The following USP25 variants were observed in gnomAD, a reference collection of about 807,000 sequenced individuals.
USP25 encodes ubiquitin carboxyl-terminal hydrolase 25.
A neutral mutation model predicts 158.5 loss-of-function variants in USP25; 85 were observed. The ratio of observed to expected loss-of-function variants is 0.54; its 90% CI spans 0.45 to 0.64. USP25 has a LOEUF of 0.64. Ranked by LOEUF, USP25 falls within the 30% of genes least tolerant of loss-of-function variation. The pLI is 0.00. For missense variants in USP25, 1,242 were observed against 1,327.3 expected (o/e 0.94, Z 1.00); for synonymous variants, 464 against 460.4 (o/e 1.01, Z -0.10).
intron 20 of USP25, among the ~76,000 whole-genome samples, chr21:15,861,475 C>CGCT (rs1192208803): frequency 4.6e-5 from 7 of 151,944 alleles, no homozygotes; most frequent in Admixed American, 4.6e-4. Context: ...CATAGACCGC[C>CGCT]AAAAAATATG....
At chr21:15,736,887 G>A (rs2031571427) in intron 1 of USP25, among the ~76,000 whole-genome samples, 1 of 146,910 alleles carries the variant, frequency 6.8e-6, no homozygotes, top group South Asian at 2.1e-4. Context: ...GTTGTATAAT[G>A]CTTTTTGATG....
At chr21:15,749,113 C>T (rs1016202012) in intron 1 of USP25, among the ~76,000 whole-genome samples, 14 of 151,800 alleles carry the variant, frequency 9.2e-5, no homozygotes, top group Non-Finnish European at 1.9e-4. Flanking sequence ...GAGCAGGATA[C>T]ACTTGCTGTG....
rs1425697052 is a variant in USP25 at position 15,851,489 on chromosome 21, G to T, written c.2547+1617G>T. Among the ~76,000 whole-genome samples the T allele has an allele frequency of 2.7e-5, 4 of 147,682 alleles. No homozygotes were observed. The East Asian group carries it at 7.9e-4, about 29-fold the overall frequency. On this transcript the variant is annotated intron_variant, in intron 20 of 25. Transcript: ENST00000400183. ...TCGCATACATACACTGAGAGACACA[G>T]CTCCTATCCCCCATACACACACACA...
At chr21:15,752,152 C>A (rs554895055) in intron 1 of USP25, among the ~76,000 whole-genome samples, 1 of 152,114 alleles carries the variant, frequency 6.6e-6, no homozygotes, top group East Asian at 1.9e-4. Flanking sequence ...AGGATGGTCT[C>A]GAACTCCTGA....
intron 25 of USP25, 107 bp from the exon 26 acceptor site, chr21:15,878,196 T>A (rs2040174177): frequency 7.0e-7 from 1 of 1,420,392 alleles, no homozygotes; most frequent in African/African-American, 1.4e-5. Flanking sequence ...CTCCCCAAAA[T>A]GGCAATTATC....
chr21:15,833,618 A>T (rs1392121351), intron 17 of USP25, 70 bp downstream of exon 17: 15 of 1,389,020 alleles, frequency 1.1e-5, no homozygotes, highest in Non-Finnish European at 1.4e-5. Flanking sequence ...GCTCATTATT[A>T]AAAAGTTTTA....
intron 8 of USP25, among the ~76,000 whole-genome samples, chr21:15,810,027 A>G (rs2036580110): frequency 6.6e-6 from 1 of 152,104 alleles, no homozygotes. Context: ...TAATGCATAT[A>G]GAGTTTCAGT....
chr21:15,805,866 A>G lies in USP25; in HGVS notation c.780+608A>G, dbSNP rs545216365. Among the ~76,000 whole-genome samples the G allele has an allele frequency of 5.3e-4, 80 of 152,322 alleles. 3 individuals are homozygous for G. The South Asian group carries it at 0.014, about 27-fold the overall frequency. ...GTAAGTGTTCAAAAAGATAGCGGCA[A>G]TGTGTAATGGCAGAAGTTTCAAAAA... On this transcript the variant is annotated intron_variant, in intron 7 of 25. Coordinates refer to ENST00000400183, the MANE Select transcript of USP25 (RefSeq NM_001283041.3).
Position 15,777,782 on chromosome 21 carries a change from G to A in USP25, c.269-122G>A, listed in dbSNP as rs186413583. 3.0e-4 allele frequency: 257 copies of A among 847,288 alleles called. 1 individual carries two copies. The highest frequency in any genetic ancestry group is 3.0e-3 in the African/African-American group (173 of 57,096). The allele number at this position is 847,288 out of a possible 1,614,324, so 52.5% of individuals were successfully genotyped here. ...GCATTTATTTTTAGATAGGCTTTTA[G>A]AAATACAAAATTAGTTGGTACTGAC... On this transcript the variant is annotated intron_variant, in intron 3 of 25. Transcript: ENST00000400183.
At chr21:15,789,340 G>A (rs2035465475) in intron 4 of USP25, among the ~76,000 whole-genome samples, 1 of 152,038 alleles carries the variant, frequency 6.6e-6, no homozygotes, top group Non-Finnish European at 1.5e-5. Context: ...AATGTACTTA[G>A]GGTGTATTGT....
intron 2 of USP25, among the ~76,000 whole-genome samples, chr21:15,764,229 T>A (rs944129374): frequency 4.6e-5 from 7 of 152,148 alleles, no homozygotes; most frequent in Admixed American, 4.6e-4. Flanking sequence ...ATTCCATGTT[T>A]GTTTTCAGAA....
intron 3 of USP25, among the ~76,000 whole-genome samples, chr21:15,774,436 C>T (rs956488494): frequency 2.6e-5 from 4 of 152,088 alleles, no homozygotes; most frequent in South Asian, 4.2e-4. Context: ...TTGAAAATTC[C>T]ATATTAATCA....
chr21:15,764,990 T>C (rs370462657), intron 2 of USP25, among the ~76,000 whole-genome samples: 2 of 152,128 alleles, frequency 1.3e-5, no homozygotes, highest in Admixed American at 6.6e-5. Context: ...AGCAATAATA[T>C]TGGATGCTGT....
intron 8 of USP25, 29 bp downstream of exon 8, chr21:15,808,914 G>A (rs2036522219): frequency 1.3e-6 from 2 of 1,530,256 alleles, no homozygotes; most frequent in East Asian, 2.3e-5. Flanking sequence ...TAGCAATGGG[G>A]TTTTAGGAAT....
intron 4 of USP25, among the ~76,000 whole-genome samples, chr21:15,787,945 A>G (rs1294099284): frequency 1.5e-5 from 2 of 131,342 alleles, no homozygotes; most frequent in Non-Finnish European, 1.6e-5. Flanking sequence ...AATTTAATGG[A>G]AACATGATGA....
chr21:15,850,215 GTTTAT>G (rs1196489910), intron 20 of USP25, among the ~76,000 whole-genome samples: 2 of 151,918 alleles, frequency 1.3e-5, no homozygotes, highest in African/African-American at 2.4e-5. Context: ...CCTGGTAATA[GTTTAT>G]TTTATCTTCA....
chr21:15,809,000 C>T (rs2036527316), intron 8 of USP25, 115 bp downstream of exon 8: 4 of 739,546 alleles, frequency 5.4e-6, no homozygotes, highest in East Asian at 6.0e-5. Context: ...CCAGTATTTT[C>T]TGTATTATTG....
At chr21:15,785,455 A>G (rs1382435784) in intron 4 of USP25, among the ~76,000 whole-genome samples, 1 of 152,242 alleles carries the variant, frequency 6.6e-6, no homozygotes, top group Non-Finnish European at 1.5e-5. Flanking sequence ...ATCGTATGTT[A>G]GAGATGGTAT....
chr21:15,854,860 C>T (rs545016609), intron 20 of USP25, among the ~76,000 whole-genome samples: 2 of 152,148 alleles, frequency 1.3e-5, no homozygotes, highest in Non-Finnish European at 2.9e-5. Context: ...CAATGGGCTA[C>T]ACTACACTAA....
Sources: allele counts gnomAD v4.1 joint callset (sites outside exome capture counted in the v4.1 genomes callset), GRCh38; gene constraint gnomAD v4.1.1; transcripts MANE v1.5; gene names NCBI Gene and HGNC (gene_info 2026-07-23, HGNC 2026-07-21).